The following REV3L variants were observed in gnomAD, a reference collection of about 807,000 sequenced individuals.
REV3L encodes the protein REV3 like, DNA directed polymerase zeta catalytic subunit, also known as DNA polymerase zeta catalytic subunit.
In REV3L, 69 loss-of-function variants were observed where a neutral mutation model predicts 299.4. That is an observed-to-expected ratio of 0.23 (90% CI 0.19 to 0.28). REV3L has a LOEUF of 0.28. Ranked by LOEUF, REV3L falls within the 10% of genes least tolerant of loss-of-function variation. The probability of loss-of-function intolerance (pLI) is 1.00; values close to 1 mark genes in which losing one functional copy is unlikely to be tolerated. For synonymous variants in REV3L, 1,238 were observed against 1,271.4 expected, an observed-to-expected ratio of 0.97 and a Z score of 0.56; for missense variants, 3,128 against 3,693.8, an observed-to-expected ratio of 0.85 and a Z score of 3.97.
chr6:111,477,623 T>C (rs1793094159), intron 1 of REV3L, among the ~76,000 whole-genome samples: 1 of 152,172 alleles, frequency 6.6e-6, no homozygotes, highest in Non-Finnish European at 1.5e-5. Context: ...GTCAAGAACA[T>C]GGCTCAAGTC....
At chr6:111,307,789 C>T (rs958580926) in intron 30 of REV3L, 2 of 537,470 alleles carry the variant, frequency 3.7e-6, no homozygotes, top group African/African-American at 3.8e-5. Context: ...TTAATATTAT[C>T]AGATACATTT....
intron 31 of REV3L, among the ~76,000 whole-genome samples, chr6:111,305,193 G>C (rs138866361): frequency 6.6e-6 from 1 of 151,882 alleles, no homozygotes; most frequent in Admixed American, 6.6e-5. Flanking sequence ...CGCCCGCCTC[G>C]GCCTCCGAAA....
intron 16 of REV3L, 71 bp downstream of exon 16, chr6:111,363,782 T>C (rs1275798861): frequency 1.5e-5 from 23 of 1,492,422 alleles, no homozygotes; most frequent in Non-Finnish European, 2.0e-5. Context: ...AAAAATTCCA[T>C]ACTTGTTTTA....
At chr6:111,307,796 ATT>A (rs113742829) in intron 30 of REV3L, 34 of 486,908 alleles carry the variant, frequency 7.0e-5, no homozygotes, top group Middle Eastern at 5.5e-4. Context: ...TATCAGATAC[ATT>A]TTTTTTTTAT....
chr6:111,360,929 A>G lies in REV3L; in HGVS notation c.6880-1915T>C, dbSNP rs1012772470. On this transcript the variant is annotated intron_variant, in intron 16 of 31. Transcript: ENST00000368802. ...TAAAAAAAAAATCAAACCACATGAA[A>G]TGGAGAGCTAAGGGAAAAAACTTTT... Among the ~76,000 whole-genome samples, 114 of 152,174 alleles carry G rather than the reference A, an allele frequency of 7.5e-4. 1 individual carries two copies. Among genetic ancestry groups the G allele is most frequent in the African/African-American group, 2.4e-3 (101 of 41,446 alleles).
chr6:111,353,200 G>A (rs527784146), intron 18 of REV3L, among the ~76,000 whole-genome samples: 10 of 152,086 alleles, frequency 6.6e-5, no homozygotes, highest in Non-Finnish European at 1.3e-4. Flanking sequence ...GCTATCTATG[G>A]CTACTCTGCA....
intron 1 of REV3L, among the ~76,000 whole-genome samples, chr6:111,439,910 C>T (rs1194587882): frequency 6.6e-6 from 1 of 152,148 alleles, no homozygotes; most frequent in Non-Finnish European, 1.5e-5. Flanking sequence ...AGAAATTGGG[C>T]TATACAATTT....
At chr6:111,384,259 T>C (rs1280691716) in intron 9 of REV3L, among the ~76,000 whole-genome samples, 1 of 152,058 alleles carries the variant, frequency 6.6e-6, no homozygotes. Context: ...AATGGGATCA[T>C]ATCAAGTTAT....
intron 1 of REV3L, among the ~76,000 whole-genome samples, chr6:111,466,003 G>GC (rs1288276617): frequency 6.6e-6 from 1 of 152,120 alleles, no homozygotes; most frequent in Non-Finnish European, 1.5e-5. Context: ...GTTTGCTACA[G>GC]CTATGCAACA....
At chr6:111,414,232 G>A (rs761622867) in intron 2 of REV3L, among the ~76,000 whole-genome samples, 7 of 152,110 alleles carry the variant, frequency 4.6e-5, no homozygotes, top group East Asian at 1.9e-4. Flanking sequence ...CTTATTTTAC[G>A]TGGGATAGTC....
In REV3L at chr6:111,307,677, A is replaced by G. The variant is rs17540241; in HGVS notation, c.9043-107T>C. Reference sequence around the variant, plus strand: ...CAGGCATTCATTCATTCGTTCATTCACTCATTCAACAAATGTTGAGTAGCT... The same window carrying G: ...CAGGCATTCATTCATTCGTTCATTCGCTCATTCAACAAATGTTGAGTAGCT... On this transcript the variant is annotated intron_variant, in intron 30 of 31. Coordinates refer to ENST00000368802, the MANE Select transcript of REV3L (RefSeq NM_001372078.1). 459 of 989,836 alleles carry G rather than the reference A, an allele frequency of 4.6e-4. 2 individuals carry two copies. In the African/African-American group the frequency reaches 6.7e-3, roughly 14 times the overall value. 61.3% of individuals were successfully genotyped at this position (989,836 alleles called of 1,614,324 possible). A position where few individuals can be genotyped will look rare whatever the true frequency, so the allele number is the denominator to read the frequency against.
At chr6:111,318,485 A>G (rs1283886132) in intron 26 of REV3L, among the ~76,000 whole-genome samples, 1 of 152,156 alleles carries the variant, frequency 6.6e-6, no homozygotes, top group Non-Finnish European at 1.5e-5. Context: ...TCATATGCTA[A>G]GTGTATGTTG....
intron 5 of REV3L, among the ~76,000 whole-genome samples, chr6:111,391,232 A>C (rs1302174975): frequency 6.6e-6 from 1 of 151,936 alleles, no homozygotes; most frequent in Non-Finnish European, 1.5e-5. Flanking sequence ...TGCAGAGTTA[A>C]TTTTTGTATT....
At position 111,392,684 on chromosome 6, in the gene REV3L, C is replaced by G. The variant is rs1782059218; in HGVS notation, c.662+192G>C. The G allele has an allele frequency of 1.8e-5, 8 of 450,148 alleles. No individual in the cohort carries two copies. In the East Asian group the frequency reaches 2.3e-4, roughly 13 times the overall value. The allele number at this position is 450,148 out of a possible 1,614,324, so 27.9% of individuals were successfully genotyped here. ...TTTGTTAATTAGGTAATAACTAGTACATTTTCATGGTTTGTTTTTAAAATC... is the reference window on the plus strand; with the variant it reads ...TTTGTTAATTAGGTAATAACTAGTAGATTTTCATGGTTTGTTTTTAAAATC... On this transcript the variant is annotated intron_variant, in intron 5 of 31. Coordinates refer to ENST00000368802, the MANE Select transcript of REV3L (RefSeq NM_001372078.1).
chr6:111,299,287 GAATAAAATTTT>G lies in REV3L; in HGVS notation c.*718_*728del, dbSNP rs1449474519. 3 of 152,492 alleles carry G rather than the reference GAATAAAATTTT, an allele frequency of 2.0e-5. No individual in the cohort carries two copies. The highest frequency in any genetic ancestry group is 4.4e-5 in the Non-Finnish European group (3 of 67,996). The allele number at this position is 152,492 out of a possible 1,614,324, so 9.4% of individuals were successfully genotyped here. A position where few individuals can be genotyped will look rare whatever the true frequency, so the allele number is the denominator to read the frequency against. ...AATGTCTATACAAAACAAGCAAATG[GAATAAAATTTT>G]TTATTTTTAAAGTATTGCAACAGGC... On this transcript the variant is annotated 3_prime_UTR_variant, in exon 32 of 32. Transcript: ENST00000368802.
intron 1 of REV3L, among the ~76,000 whole-genome samples, chr6:111,480,010 G>A (rs940240621): frequency 3.3e-5 from 5 of 152,132 alleles, no homozygotes; most frequent in Admixed American, 2.6e-4. Context: ...ACTAGTAAAA[G>A]GGTATTAATC....
intron 20 of REV3L, among the ~76,000 whole-genome samples, chr6:111,345,182 T>G (rs1432433807): frequency 6.6e-6 from 1 of 152,146 alleles, no homozygotes; most frequent in African/African-American, 2.4e-5. Flanking sequence ...ATAGTTCTAC[T>G]AAAAGTCAAG....
intron 1 of REV3L, among the ~76,000 whole-genome samples, chr6:111,476,817 G>A (rs995645889): frequency 3.3e-5 from 5 of 152,158 alleles, no homozygotes; most frequent in Admixed American, 1.3e-4. Flanking sequence ...TGATCATCAT[G>A]CAATCATGCA....
At chr6:111,324,340 G>A (rs553301244) in intron 25 of REV3L, among the ~76,000 whole-genome samples, 2 of 152,204 alleles carry the variant, frequency 1.3e-5, no homozygotes, top group Non-Finnish European at 2.9e-5. Flanking sequence ...GAGACCTCTA[G>A]TACATCAGAA....
Sources: gnomAD v4.1 joint callset for allele counts (sites outside exome capture counted in the v4.1 genomes callset) on GRCh38, gnomAD v4.1.1 for gene constraint, MANE v1.5 for transcripts, NCBI Gene and HGNC (gene_info 2026-07-23, HGNC 2026-07-21) for gene names.